The following AMMECR1 variants were observed in gnomAD, a reference collection of about 807,000 sequenced individuals.
AMMECR1 encodes the protein AMMECR nuclear protein 1.
A neutral mutation model predicts 22.5 loss-of-function variants in AMMECR1; 3 were observed. The observed-to-expected ratio is 0.13, with a 90% confidence interval of 0.06 to 0.35. The LOEUF (loss-of-function observed/expected upper bound fraction) is 0.35. Ranked by LOEUF, AMMECR1 falls within the 10% of genes least tolerant of loss-of-function variation. The pLI is 1.00. For missense variants in AMMECR1, 235 were observed against 278.7 expected (o/e 0.84, Z 1.12); for synonymous variants, 130 against 116.7 (o/e 1.11, Z -0.74).
At chrX:110,250,649 A>T (rs1439475428) in intron 2 of AMMECR1, among the ~76,000 whole-genome samples, 1 of 111,959 alleles carries the variant, frequency 8.9e-6, no homozygotes, top group African/African-American at 3.2e-5. Context: ...TTCGACTAAA[A>T]CTATGTGGTA....
At chrX:110,380,745 A>T (rs2068413223) in intron 2 of AMMECR1, among the ~76,000 whole-genome samples, 3 of 112,370 alleles carry the variant, frequency 2.7e-5, no homozygotes, top group African/African-American at 9.7e-5. Context: ...ACAGAAAAAG[A>T]CATATAGACC....
chrX:110,234,778 T>G (rs1214189435), intron 2 of AMMECR1, among the ~76,000 whole-genome samples: 1 of 111,863 alleles, frequency 8.9e-6, no homozygotes, highest in African/African-American at 3.3e-5. Context: ...GCTAGCCATA[T>G]GTAGAGAGCT....
intron 2 of AMMECR1, among the ~76,000 whole-genome samples, chrX:110,235,770 A>C (rs1359022596): frequency 9.0e-6 from 1 of 111,489 alleles, no homozygotes; most frequent in Non-Finnish European, 1.9e-5. Flanking sequence ...CAATGAGATC[A>C]CTTGGACACA....
chrX:110,256,954 C>T, intron 2 of AMMECR1, among the ~76,000 whole-genome samples: 1 of 111,572 alleles, frequency 9.0e-6, no homozygotes, highest in Non-Finnish European at 1.9e-5. Flanking sequence ...ATGATAATCA[C>T]CTTTAGTTAC....
chrX:110,356,470 T>C (rs1479646289), intron 2 of AMMECR1, among the ~76,000 whole-genome samples: 1 of 110,905 alleles, frequency 9.0e-6, no homozygotes, highest in Non-Finnish European at 1.9e-5. Flanking sequence ...AGGAATAACT[T>C]TTAGTGATGT....
At chrX:110,309,192 T>C (rs2068012942) in intron 1 of AMMECR1, 1 of 112,028 alleles carries the variant, frequency 8.9e-6, no homozygotes, top group Non-Finnish European at 1.9e-5. Context: ...TACAGTGCTG[T>C]GGGACCCCTA....
At chrX:110,248,621 CA>C (rs1237133687) in intron 2 of AMMECR1, among the ~76,000 whole-genome samples, 1 of 111,794 alleles carries the variant, frequency 8.9e-6, no homozygotes, top group African/African-American at 3.3e-5. Context: ...CTTCAAATTG[CA>C]AAAATTAAAA....
At chrX:110,319,929 GT>G (rs890375391), upstream of AMMECR1, among the ~76,000 whole-genome samples, 17 of 112,295 alleles carry the variant, frequency 1.5e-4, no homozygotes, top group Non-Finnish European at 2.6e-4. Flanking sequence ...TAAGAACTTA[GT>G]TTTTATGGAA....
At chrX:110,391,599 T>C in intron 2 of AMMECR1, among the ~76,000 whole-genome samples, 1 of 112,277 alleles carries the variant, frequency 8.9e-6, no homozygotes, top group South Asian at 3.7e-4. Context: ...GTTTTAGGAA[T>C]GTCTTCTGCT....
At chrX:110,374,334 AT>A (rs2068360525) in intron 2 of AMMECR1, among the ~76,000 whole-genome samples, 1 of 112,259 alleles carries the variant, frequency 8.9e-6, no homozygotes. Flanking sequence ...GTATATGCAC[AT>A]TAAAAAAATG....
chrX:110,271,986 C>T (rs753004406), intron 1 of AMMECR1, among the ~76,000 whole-genome samples: 1 of 110,872 alleles, frequency 9.0e-6, no homozygotes, highest in African/African-American at 3.3e-5. Flanking sequence ...GAGGCCAAAG[C>T]GGGCTGATCA....
At chrX:110,278,838 A>AG (rs2067838688) in intron 1 of AMMECR1, among the ~76,000 whole-genome samples, 1 of 112,073 alleles carries the variant, frequency 8.9e-6, no homozygotes, top group South Asian at 3.7e-4. Flanking sequence ...TTGCCACCTG[A>AG]GCTATTGAAC....
intron 2 of AMMECR1, among the ~76,000 whole-genome samples, chrX:110,390,253 T>C (rs564783049): frequency 3.6e-5 from 4 of 112,350 alleles, no homozygotes; most frequent in South Asian, 7.4e-4. Flanking sequence ...TGTAGATCCA[T>C]GATGAAATCA....
At chrX:110,358,619 T>G (rs777411498) in intron 2 of AMMECR1, among the ~76,000 whole-genome samples, 55 of 111,878 alleles carry the variant, frequency 4.9e-4, no homozygotes, top group Admixed American at 2.2e-3. Flanking sequence ...ACAAAGCCAT[T>G]GCTCTAAAAG....
chrX:110,251,714 G>T lies in AMMECR1; in HGVS notation c.584+12775C>A, dbSNP rs185551408. On this transcript the variant is annotated intron_variant, in intron 2 of 5. Coordinates refer to ENST00000262844, the MANE Select transcript of AMMECR1 (RefSeq NM_015365.3). The stretch of plus-strand genomic sequence containing the variant: ...GGGGTGGATTCAAGAGATATCTGTG[G>T]GGCAGAACCAACAGGAAATATAGAC... Among the ~76,000 whole-genome samples the T allele has an allele frequency of 7.2e-4, 80 of 111,657 alleles. No individual in the cohort carries two copies. In the East Asian group the frequency reaches 0.013, roughly 18 times the overall value.
intron 2 of AMMECR1, among the ~76,000 whole-genome samples, chrX:110,229,777 T>C (rs1258188697): frequency 8.9e-6 from 1 of 112,083 alleles, no homozygotes; most frequent in Non-Finnish European, 1.9e-5. Flanking sequence ...ACAGACTACC[T>C]GGAAAAGCGG....
chrX:110,236,552 T>C (rs1050041197), intron 2 of AMMECR1, among the ~76,000 whole-genome samples: 2 of 112,342 alleles, frequency 1.8e-5, no homozygotes, highest in East Asian at 2.8e-4. Context: ...GTATATGTTA[T>C]AGGTATAACT....
At chrX:110,345,824 G>C (rs1009629472) in intron 2 of AMMECR1, among the ~76,000 whole-genome samples, 1 of 112,040 alleles carries the variant, frequency 8.9e-6, no homozygotes, top group African/African-American at 3.2e-5. Context: ...GTCTCATTTA[G>C]AAACAATTTG....
intron 2 of AMMECR1, among the ~76,000 whole-genome samples, chrX:110,400,032 A>C (rs1293127803): frequency 2.7e-5 from 3 of 110,318 alleles, no homozygotes; most frequent in Non-Finnish European, 5.7e-5. Flanking sequence ...TTGATTAGGG[A>C]CATGTTATGT....
Sources: allele counts gnomAD v4.1 joint callset (sites outside exome capture counted in the v4.1 genomes callset), GRCh38; gene constraint gnomAD v4.1.1; transcripts MANE v1.5; gene names NCBI Gene and HGNC (gene_info 2026-07-23, HGNC 2026-07-21).